Variants in RNFT2 observed in about 807,000 individuals in gnomAD.
RNFT2 encodes ring finger protein, transmembrane 2, also known as E3 ubiquitin-protein ligase RNFT2.
In RNFT2, 36 loss-of-function variants were observed where a neutral mutation model predicts 53.0. The observed-to-expected ratio is 0.68, with a 90% CI of 0.52 to 0.90. The LOEUF is 0.90. Among genes scored for constraint, RNFT2 ranks in the 40% least tolerant of loss-of-function variants. The pLI is 0.00. For synonymous variants in RNFT2, 260 were observed against 253.2 expected (o/e 1.03, Z -0.26); for missense variants, 514 against 585.6 (o/e 0.88, Z 1.26).
intron 6 of RNFT2, among the ~76,000 whole-genome samples, chr12:116,773,496 G>A (rs148352755): frequency 1.1e-4 from 16 of 152,326 alleles, no homozygotes; most frequent in East Asian, 3.9e-4. Flanking sequence ...TGACTTAGCC[G>A]TTCACTGGCA....
At chr12:116,810,290 G>A (rs1875306347) in intron 7 of RNFT2, among the ~76,000 whole-genome samples, 1 of 152,168 alleles carries the variant, frequency 6.6e-6, no homozygotes, top group Admixed American at 6.5e-5. Context: ...TTAAAGCAGG[G>A]CTGGGAGTTA....
At chr12:116,807,649 G>A (rs974232175) in intron 7 of RNFT2, among the ~76,000 whole-genome samples, 1 of 152,112 alleles carries the variant, frequency 6.6e-6, no homozygotes, top group Non-Finnish European at 1.5e-5. Context: ...AACAGCAGCA[G>A]CCACTGCTCC....
chr12:116,838,719 T>G (rs1877101866), intron 10 of RNFT2, among the ~76,000 whole-genome samples: 5 of 152,244 alleles, frequency 3.3e-5, no homozygotes, highest in Admixed American at 2.0e-4. Context: ...TTGAACATGA[T>G]GTCAAGGTGA....
chr12:116,824,084 A>T (rs948394899), intron 7 of RNFT2, among the ~76,000 whole-genome samples: 1 of 152,194 alleles, frequency 6.6e-6, no homozygotes, highest in Non-Finnish European at 1.5e-5. Context: ...ATCTGCACCC[A>T]GGGCCACGTT....
At chr12:116,797,403 T>C (rs1396671969) in intron 7 of RNFT2, among the ~76,000 whole-genome samples, 1 of 151,988 alleles carries the variant, frequency 6.6e-6, no homozygotes, top group Non-Finnish European at 1.5e-5. Context: ...CTACTAAAAA[T>C]ACAAAAATTA....
At chr12:116,831,882 C>T (rs1222775934) in intron 7 of RNFT2, among the ~76,000 whole-genome samples, 1 of 151,854 alleles carries the variant, frequency 6.6e-6, no homozygotes, top group Admixed American at 6.6e-5. Flanking sequence ...AATTCCAACA[C>T]TTCAGGAGGC....
At chr12:116,775,574 T>C (rs1873398042) in intron 6 of RNFT2, among the ~76,000 whole-genome samples, 1 of 152,184 alleles carries the variant, frequency 6.6e-6, no homozygotes, top group South Asian at 2.1e-4. Context: ...TCATGTCACC[T>C]CTCTGAGCCT....
intron 10 of RNFT2, among the ~76,000 whole-genome samples, chr12:116,841,470 G>A (rs1443831893): frequency 6.7e-6 from 1 of 150,354 alleles, no homozygotes; most frequent in East Asian, 2.0e-4. Flanking sequence ...TAAAATGACT[G>A]GGCATGGTGG....
chr12:116,766,873 C>G lies in RNFT2; in HGVS notation c.687C>G (p.Leu229=). 1 of 1,596,626 alleles carries G rather than the reference C, an allele frequency of 6.3e-7. No homozygotes were observed. Among genetic ancestry groups the G allele is most frequent in the Non-Finnish European group, 8.5e-7 (1 of 1,171,158 alleles). Residue 229 remains leucine, a synonymous_variant, in exon 6 of 11, where the codon CTC becomes CTG. Transcript: ENST00000257575. ...WILAFLAGNT[L]YVLYTFSSQQ... The stretch of plus-strand genomic sequence containing the variant: ...TGGCCTTTCTGGCGGGGAACACCCT[C>G]TATGTGCTTTATACATTCAGCTCCC...
At chr12:116,753,229 C>T (rs1410973355) in intron 4 of RNFT2, among the ~76,000 whole-genome samples, 1 of 135,942 alleles carries the variant, frequency 7.4e-6, no homozygotes, top group Non-Finnish European at 1.5e-5. Context: ...CAATTCACTG[C>T]AGCCTCCCCA....
chr12:116,816,332 T>C (rs1875667637), intron 7 of RNFT2, among the ~76,000 whole-genome samples: 2 of 152,176 alleles, frequency 1.3e-5, no homozygotes, highest in South Asian at 4.1e-4. Flanking sequence ...GGTACCCCAC[T>C]GCTGCTGTTG....
intron 7 of RNFT2, among the ~76,000 whole-genome samples, chr12:116,794,521 C>A (rs191521170): frequency 0.018 from 2,757 of 151,512 alleles, 50 homozygotes; most frequent in South Asian, 0.064. Context: ...TTGCTTGAAC[C>A]CGGGAGGGGG....
rs1873585642 is a variant in RNFT2 at position 116,779,321 on chromosome 12, C to T, written c.855C>T (p.Pro285=). The T allele has an allele frequency of 3.1e-6, 5 of 1,613,892 alleles. No homozygotes were observed. The South Asian group carries it at 5.5e-5, about 18-fold the overall frequency. The part of the protein sequence containing the change: ...IALKCLIVAL[P]KIILAVKSKG... ...TCAAGTGCCTCATCGTGGCCCTGCC[C>T]AAGATCATCCTGGCTGTCAAGTCCA... The change falls in exon 7 of 11, where the codon CCC becomes CCT. Residue 285 remains proline, a synonymous_variant. Coordinates refer to ENST00000257575, the MANE Select transcript of RNFT2 (RefSeq NM_001382266.1).
chr12:116,761,369 A>C (rs1029653531), intron 5 of RNFT2, among the ~76,000 whole-genome samples: 3 of 151,980 alleles, frequency 2.0e-5, no homozygotes, highest in African/African-American at 7.3e-5. Flanking sequence ...GCTGGTCTCA[A>C]ACTCCTGACC....
At chr12:116,754,714 T>A (rs1225360577) in intron 5 of RNFT2, among the ~76,000 whole-genome samples, 1 of 152,242 alleles carries the variant, frequency 6.6e-6, no homozygotes, top group Non-Finnish European at 1.5e-5. Context: ...ATTGTGGTTT[T>A]GATTTGCATT....
At chr12:116,791,839 A>T (rs79510906) in intron 7 of RNFT2, among the ~76,000 whole-genome samples, 2,678 of 152,240 alleles carry the variant, frequency 0.018, 101 homozygotes, top group East Asian at 0.15. Flanking sequence ...CTTTTGAGGA[A>T]CTGTCAAACC....
chr12:116,811,114 C>A (rs528160810), intron 7 of RNFT2, among the ~76,000 whole-genome samples: 2 of 152,242 alleles, frequency 1.3e-5, no homozygotes, highest in Admixed American at 1.3e-4. Flanking sequence ...AAGTTATCCA[C>A]CAGGCATGAT....
chr12:116,800,812 TTAAAATAAAATAAAA>T (rs3069310), intron 7 of RNFT2, among the ~76,000 whole-genome samples: 5,581 of 114,808 alleles, frequency 0.049, 142 homozygotes, highest in African/African-American at 0.067. Context: ...AGACTCCATC[TTAAAATAAAATAAAA>T]TAAAATAAAA....
Position 116,766,859 on chromosome 12 carries a change from G to A in RNFT2, c.673G>A (p.Ala225Thr), listed in dbSNP as rs779502982. The A allele has an allele frequency of 2.5e-6, 4 of 1,598,976 alleles. No homozygotes were observed. In the Admixed American group the frequency reaches 5.2e-5, roughly 21 times the overall value. ...CATCTTGTGGATCCTGGCCTTTCTG[G>A]CGGGGAACACCCTCTATGTGCTTTA... Reference protein sequence around the residue: ...LVILWILAFLAGNTLYVLYTF... With the variant: ...LVILWILAFLTGNTLYVLYTF... Residue 225 changes from alanine to threonine, a missense_variant, in exon 6 of 11, where the codon GCG becomes ACG. Transcript: ENST00000257575.
Sources: gnomAD v4.1 joint callset for allele counts (sites outside exome capture counted in the v4.1 genomes callset) on GRCh38, gnomAD v4.1.1 for gene constraint, MANE v1.5 for transcripts, NCBI Gene and HGNC (gene_info 2026-07-23, HGNC 2026-07-21) for gene names.